PDXDC1: variants seen among roughly 807,000 people sequenced by gnomAD.
PDXDC1 encodes the protein pyridoxal dependent decarboxylase domain containing 1, also known as pyridoxal-dependent decarboxylase domain-containing protein 1.
In PDXDC1, 42 loss-of-function variants were observed where a neutral mutation model predicts 100.1. The ratio of observed to expected loss-of-function variants is 0.42; its 90% confidence interval spans 0.33 to 0.54. The LOEUF (loss-of-function observed/expected upper bound fraction) is 0.54. Ranked by LOEUF, PDXDC1 falls within the 20% of genes least tolerant of loss-of-function variation. The pLI is 0.10. For synonymous variants in PDXDC1, 260 were observed against 371.7 expected (o/e 0.70, Z 3.46); for missense variants, 636 against 979.2 (o/e 0.65, Z 4.68).
At chr16:15,085,178 A>G (rs896317647) in intron 16 of PDXDC1, among the ~76,000 whole-genome samples, 2 of 152,254 alleles carry the variant, frequency 1.3e-5, no homozygotes, top group Admixed American at 1.3e-4. Context: ...ACCAGCATCA[A>G]CGAAAATTAA....
intron 16 of PDXDC1, chr16:15,135,115 G>C: frequency 1.6e-6 from 1 of 643,844 alleles, no homozygotes; most frequent in South Asian, 1.7e-5. Flanking sequence ...GGCAGGTTTG[G>C]AAGGAAGCAA....
At chr16:15,040,569 G>T, downstream of PDXDC1, 1 of 172,320 alleles carries the variant, frequency 5.8e-6, no homozygotes, top group South Asian at 1.7e-4. Flanking sequence ...TGCCTTTTCC[G>T]CGGGAGTCCT....
the PDXDC1 span, among the ~76,000 whole-genome samples, chr16:15,147,369 C>G: frequency 6.6e-6 from 1 of 152,342 alleles, no homozygotes; most frequent in African/African-American, 2.4e-5. Flanking sequence ...ATGAAATCAT[C>G]ACCACGGCTT....
chr16:15,006,817 AGGGGGT>A (rs1440079965), intron 6 of PDXDC1, among the ~76,000 whole-genome samples: 3 of 152,408 alleles, frequency 2.0e-5, no homozygotes, highest in East Asian at 3.9e-4. Flanking sequence ...CTTTAATCGA[AGGGGGT>A]GTGTTTGTGT....
chr16:15,013,357 AAG>A lies in PDXDC1; in HGVS notation c.728-2770_728-2769del, dbSNP rs1491345467. On this transcript the variant is annotated intron_variant, in intron 8 of 22. Transcript: ENST00000396410. ...GAGTGAGACCCTATCTCAAAAAAAA[AAG>A]AAAAAAAAAAAAAAAGGCAAAAAAC... Among the ~76,000 whole-genome samples, 54 of 146,468 alleles carry A rather than the reference AAG, an allele frequency of 3.7e-4. 3 individuals carry two copies. Among genetic ancestry groups the A allele is most frequent in the East Asian group, 4.7e-4 (2 of 4,296 alleles).
chr16:15,047,293 G>A, intron 16 of PDXDC1: 1 of 637,390 alleles, frequency 1.6e-6, no homozygotes, highest in Admixed American at 2.4e-5. Context: ...CTGACGCAGT[G>A]CCCACGTCGT....
Position 15,086,298 on chromosome 16 carries a change from A to T in PDXDC1, c.1400-52581A>T, listed in dbSNP as rs1487935624. On this transcript the variant is annotated intron_variant, in intron 16 of 16. Transcript: ENST00000535621. ...GAAAGATAAAAGCAGCATGTTATTA[A>T]TATAACATATACTATTACCAAAGTT... is the stretch of plus-strand genomic sequence containing the variant. 2.5e-6 allele frequency: 4 copies of T among 1,580,910 alleles called. No homozygotes were observed. In the African/African-American group the frequency reaches 5.4e-5, roughly 21 times the overall value.
intron 16 of PDXDC1, among the ~76,000 whole-genome samples, chr16:15,101,358 C>G (rs1232793842): frequency 6.6e-6 from 1 of 152,158 alleles, no homozygotes; most frequent in Non-Finnish European, 1.5e-5. Context: ...GCTCTTTCAC[C>G]CAGGACGGAC....
intron 16 of PDXDC1, among the ~76,000 whole-genome samples, chr16:15,122,823 GGGGGAGGGGAAGGGGAGGGGAA>G (rs1192698107): frequency 2.7e-3 from 98 of 36,978 alleles, no homozygotes; most frequent in African/African-American, 4.7e-3. Flanking sequence ...GAGTTGGGGA[GGGGGAGGGGAAGGGGAGGGGAA>G]GGGGAGGGGA....
the PDXDC1 span, among the ~76,000 whole-genome samples, chr16:15,145,721 C>T: frequency 6.6e-6 from 1 of 152,258 alleles, no homozygotes; most frequent in Non-Finnish European, 1.5e-5. Context: ...TGGGAAAGGG[C>T]GTGAGCTGCA....
chr16:15,053,205 C>A (rs1218236753), intron 16 of PDXDC1, among the ~76,000 whole-genome samples: 1 of 152,250 alleles, frequency 6.6e-6, no homozygotes, highest in Non-Finnish European at 1.5e-5. Context: ...CAAGGGCAGG[C>A]TGCCAGGGTT....
At chr16:15,038,502 A>T (rs2043648943), downstream of PDXDC1, 2 of 889,018 alleles carry the variant, frequency 2.2e-6, no homozygotes, top group East Asian at 2.4e-5. Flanking sequence ...CCTGGTCTAA[A>T]CCCTTTTTTT....
At chr16:14,993,477 A>AT (rs1342763348) in intron 1 of PDXDC1, among the ~76,000 whole-genome samples, 1 of 152,006 alleles carries the variant, frequency 6.6e-6, no homozygotes, top group African/African-American at 2.4e-5. Flanking sequence ...TGAACTCACC[A>AT]TTTTTTATGG....
chr16:15,105,032 G>A (rs1455761239), intron 16 of PDXDC1, among the ~76,000 whole-genome samples: 2 of 145,658 alleles, frequency 1.4e-5, no homozygotes, highest in Non-Finnish European at 3.0e-5. Context: ...CTGCCCCAGG[G>A]AAGACAGAGT....
intron 16 of PDXDC1, among the ~76,000 whole-genome samples, chr16:15,093,468 A>G (rs1271477389): frequency 6.6e-6 from 1 of 152,076 alleles, no homozygotes; most frequent in African/African-American, 2.4e-5. Flanking sequence ...TTTCCCCCCT[A>G]TGCTGTAAGC....
chr16:15,131,506 G>A (rs537002175), intron 16 of PDXDC1: 9 of 1,607,780 alleles, frequency 5.6e-6, no homozygotes, highest in East Asian at 2.2e-5. Context: ...CCGCGGGTCC[G>A]AGCGCTTGCC....
intron 16 of PDXDC1, among the ~76,000 whole-genome samples, chr16:15,077,409 G>A (rs1024425411): frequency 6.6e-6 from 1 of 152,036 alleles, no homozygotes; most frequent in East Asian, 1.9e-4. Context: ...TAAGTCTCAA[G>A]AGATCTGATG....
intron 16 of PDXDC1, among the ~76,000 whole-genome samples, chr16:15,062,721 T>A (rs1166949078): frequency 6.6e-6 from 1 of 152,250 alleles, no homozygotes; most frequent in East Asian, 1.9e-4. Context: ...TCAGCTAATT[T>A]GTAATTAACC....
chr16:15,124,658 C>T (rs1236441985), intron 16 of PDXDC1, among the ~76,000 whole-genome samples: 1 of 150,928 alleles, frequency 6.6e-6, no homozygotes, highest in African/African-American at 2.4e-5. Flanking sequence ...TGTAGTCCCA[C>T]CTACTTGGGA....
Sources: gnomAD v4.1 joint callset for allele counts (sites outside exome capture counted in the v4.1 genomes callset) on GRCh38, gnomAD v4.1.1 for gene constraint, MANE v1.5 for transcripts, NCBI Gene and HGNC (gene_info 2026-07-23, HGNC 2026-07-21) for gene names.